The following ZKSCAN2 variants were observed in gnomAD, a reference collection of about 807,000 sequenced individuals.
ZKSCAN2 encodes the protein zinc finger with KRAB and SCAN domains 2.
Under a neutral mutation model 90.5 loss-of-function variants are expected in ZKSCAN2, and 38 were observed. The ratio of observed to expected loss-of-function variants is 0.42; its 90% CI spans 0.32 to 0.55. The LOEUF is 0.55. Among genes scored for constraint, ZKSCAN2 ranks in the 20% least tolerant of loss-of-function variants. The probability of loss-of-function intolerance (pLI) is 0.11; values close to 1 mark genes in which losing one functional copy is unlikely to be tolerated. For missense variants in ZKSCAN2, 1,167 were observed against 1,202.6 expected (o/e 0.97, Z 0.44); for synonymous variants, 429 against 421.6 (o/e 1.02, Z -0.22).
intron 3 of ZKSCAN2, among the ~76,000 whole-genome samples, chr16:25,252,467 C>G (rs371790107): frequency 6.6e-6 from 1 of 151,762 alleles, no homozygotes; most frequent in Non-Finnish European, 1.5e-5. Context: ...TACTTTTATA[C>G]TCTTGTGGGG....
chr16:25,243,865 C>T lies in ZKSCAN2; in HGVS notation c.1901G>A (p.Cys634Tyr). 6.2e-7 allele frequency: 1 copy of T among 1,614,114 alleles called. No individual in the cohort carries two copies. The highest frequency in any genetic ancestry group is 8.5e-7 in the Non-Finnish European group (1 of 1,180,022). Residue 634 changes from cysteine (C) to tyrosine (Y), a missense_variant, in exon 6 of 7, where the codon TGC (cysteine) becomes TAC (tyrosine). Cys to Tyr is a radical substitution (Grantham distance 194). Transcript: ENST00000328086. ...TSQEAVIEDS[C>Y]SERMSEEEIV... ...TTCCTCCTCGCTCATTCTCTCACTG[C>T]AAGAGTCTTCTATTACTGCCTCCTG...
Position 25,255,397 on chromosome 16 carries a change from G to A in ZKSCAN2, c.400-5C>T, listed in dbSNP as rs1437438707. ...CCGGTGCACGGGACTGCTGACCTGA[G>A]AAATGAAGTCAATACCATAAGAGGG... On this transcript the variant is annotated splice_polypyrimidine_tract_variant and splice_region_variant and intron_variant, in intron 1 of 6. Coordinates refer to ENST00000328086, the MANE Select transcript of ZKSCAN2 (RefSeq NM_001012981.5). 3.6e-5 allele frequency: 58 copies of A among 1,608,304 alleles called. 1 individual carries two copies. The Admixed American group carries it at 9.6e-4, about 27-fold the overall frequency.
chr16:25,240,354 C>T lies in ZKSCAN2; in HGVS notation c.2366G>A (p.Ser789Asn). The change falls in exon 7 of 7, where the codon AGC becomes AAC. Residue 789 changes from serine (S) to asparagine (N), a missense_variant. Ser to Asn is a conservative substitution (Grantham distance 46). Coordinates refer to ENST00000328086, the MANE Select transcript of ZKSCAN2 (RefSeq NM_001012981.5). ...GTGGATTCTTTGGTGTCTGATCAGG[C>T]TCCTGCTTCTACCAAAGCACTTCCC... ...VCGKCFGRSR[S>N]LIRHQRIHTG... 6.2e-7 allele frequency: 1 copy of T among 1,613,956 alleles called. No homozygotes were observed. The highest frequency in any genetic ancestry group is 8.5e-7 in the Non-Finnish European group (1 of 1,180,030).
In ZKSCAN2 at chr16:25,238,891, T is replaced by G. The variant is rs1403711570; in HGVS notation, c.*925A>C. On this transcript the variant is annotated 3_prime_UTR_variant, in exon 7 of 7. Transcript: ENST00000328086. ...GGTACGAAATATGCCAACATGCCAG[T>G]CATGTTCTAGATAAGAGCCAGAGAA... 1 of 152,230 alleles carries G rather than the reference T, an allele frequency of 6.6e-6. No homozygotes were observed. Among genetic ancestry groups the G allele is most frequent in the Non-Finnish European group, 1.5e-5 (1 of 68,068 alleles). The allele number at this position is 152,230 out of a possible 1,614,324, so 9.4% of individuals were successfully genotyped here.
At chr16:25,256,665 C>T (rs1253430588) in intron 1 of ZKSCAN2, 64 bp downstream of exon 1, 52 of 1,530,818 alleles carry the variant, frequency 3.4e-5, no homozygotes, top group Non-Finnish European at 4.5e-5. Context: ...CAATACATCC[C>T]TGCCCACATG....
chr16:25,246,112 A>G (rs1395757252), intron 5 of ZKSCAN2, among the ~76,000 whole-genome samples: 1 of 152,188 alleles, frequency 6.6e-6, no homozygotes, highest in African/African-American at 2.4e-5. Flanking sequence ...ATTATATTTA[A>G]GGTGGATCTC....
chr16:25,240,682 T>C lies in ZKSCAN2; in HGVS notation c.2038A>G (p.Met680Val). 3 of 1,614,200 alleles carry C rather than the reference T, an allele frequency of 1.9e-6. No individual in the cohort carries two copies. Among genetic ancestry groups the C allele is most frequent in the African/African-American group, 1.3e-5 (1 of 75,066 alleles). The stretch of plus-strand genomic sequence containing the variant: ...TCTATTAATGCCCTATGCTGTTCCA[T>C]GTCCTTATATACTATCTGTGTTGGA... ...EDPTQIVYKD[M>V]EQHRALIEKS... The change falls in exon 7 of 7, where the codon ATG becomes GTG. Residue 680 changes from methionine to valine, a missense_variant. Transcript: ENST00000328086.
In ZKSCAN2 at chr16:25,257,228, C is replaced by G; in HGVS notation, c.-101G>C. ...ATGTTCCTGGGAGTGTGATAAGGTACGGAGGTAAAAACGGCCAGGTCGGCA... is the reference window on the plus strand; with the variant it reads ...ATGTTCCTGGGAGTGTGATAAGGTAGGGAGGTAAAAACGGCCAGGTCGGCA... On this transcript the variant is annotated 5_prime_UTR_variant, in exon 1 of 7. Transcript: ENST00000328086. 1.2e-4 allele frequency: 170 copies of G among 1,442,354 alleles called. No homozygotes were observed. Among genetic ancestry groups the G allele is most frequent in the East Asian group, 4.8e-4 (19 of 39,754 alleles). 89.3% of individuals were successfully genotyped at this position (1,442,354 alleles called of 1,614,324 possible).
chr16:25,244,197 G>C lies in ZKSCAN2; in HGVS notation c.1569C>G (p.Ala523=), dbSNP rs576033722. 5.0e-6 allele frequency: 8 copies of C among 1,614,162 alleles called. No individual in the cohort carries two copies. The South Asian group carries it at 5.5e-5, about 11-fold the overall frequency. ...CATACAATTTGCTCTTCCGATGACA[G>C]GCTTGAAGCGCTTCATAAAACCGAG... ...RETRFYEALQ[A]CHRKSKLYGA... Residue 523 remains alanine (A), a synonymous_variant, in exon 6 of 7, where the codon GCC becomes GCG. Transcript: ENST00000328086.
intron 3 of ZKSCAN2, 141 bp from the exon 4 acceptor site, chr16:25,252,176 A>G: frequency 1.1e-6 from 1 of 899,830 alleles, no homozygotes; most frequent in Admixed American, 2.5e-5. Context: ...ATGAAGCAGA[A>G]GAGAAAGAAT....
At position 25,255,397 on chromosome 16, in the gene ZKSCAN2, G is replaced by C; in HGVS notation, c.400-5C>G. The C allele has an allele frequency of 6.2e-7, 1 of 1,608,422 alleles. No homozygotes were observed. Among genetic ancestry groups the C allele is most frequent in the Non-Finnish European group, 8.5e-7 (1 of 1,179,496 alleles). On this transcript the variant is annotated splice_polypyrimidine_tract_variant and splice_region_variant and intron_variant, in intron 1 of 6. Transcript: ENST00000328086. Reference sequence around the variant, plus strand: ...CCGGTGCACGGGACTGCTGACCTGAGAAATGAAGTCAATACCATAAGAGGG... The same window carrying C: ...CCGGTGCACGGGACTGCTGACCTGACAAATGAAGTCAATACCATAAGAGGG...
In ZKSCAN2 at chr16:25,240,039, T is replaced by C; in HGVS notation, c.2681A>G (p.Lys894Arg). 2 of 1,614,064 alleles carry C rather than the reference T, an allele frequency of 1.2e-6. No individual in the cohort carries two copies. The highest frequency in any genetic ancestry group is 1.7e-6 in the Non-Finnish European group (2 of 1,180,008). ...ENPYKCVDCE[K>R]SFNNCTRFRE... ...AAATCTCGTACAGTTATTGAAACTT[T>C]TTTCACAGTCCACACATTTGTAGGG... is the stretch of plus-strand genomic sequence containing the variant. The change falls in exon 7 of 7, where the codon AAA (lysine) becomes AGA (arginine). Residue 894 changes from lysine (K) to arginine (R), a missense_variant. Transcript: ENST00000328086.
At chr16:25,253,160 G>C (rs954461062) in intron 2 of ZKSCAN2, 123 bp from the exon 3 acceptor site, 4 of 797,270 alleles carry the variant, frequency 5.0e-6, no homozygotes, top group Non-Finnish European at 6.3e-6. Flanking sequence ...CATTTTATCT[G>C]TGAGTTCAGA....
chr16:25,253,158 C>T, intron 2 of ZKSCAN2, 121 bp from the exon 3 acceptor site: 5 of 807,982 alleles, frequency 6.2e-6, no homozygotes, highest in East Asian at 2.6e-5. Flanking sequence ...ACCATTTTAT[C>T]TGTGAGTTCA....
At chr16:25,253,400 C>T (rs898941927) in intron 2 of ZKSCAN2, among the ~76,000 whole-genome samples, 1 of 151,990 alleles carries the variant, frequency 6.6e-6, no homozygotes, top group Non-Finnish European at 1.5e-5. Context: ...CTTTCCCTTC[C>T]CCAGCCTTCC....
At chr16:25,240,970 TC>T (rs1962844009) in intron 6 of ZKSCAN2, among the ~76,000 whole-genome samples, 1 of 152,056 alleles carries the variant, frequency 6.6e-6, no homozygotes. Context: ...AAGCCATCAT[TC>T]CCCATCCATA....
Position 25,240,158 on chromosome 16 carries a change from G to C in ZKSCAN2, c.2562C>G (p.Thr854=). Residue 854 remains threonine (T), a synonymous_variant, in exon 7 of 7, where the codon ACC becomes ACG. Coordinates refer to ENST00000328086, the MANE Select transcript of ZKSCAN2 (RefSeq NM_001012981.5). ...CTCCACACTGATAGGGCTTCTCACCGGTGTGCGTTCTCTGATGTATAATAA... is the reference window on the plus strand; with the variant it reads ...CTCCACACTGATAGGGCTTCTCACCCGTGTGCGTTCTCTGATGTATAATAA... ...SSLIIHQRTH[T]GEKPYQCGEC... is the part of the protein sequence containing the mutation. 6.2e-7 allele frequency: 1 copy of C among 1,613,902 alleles called. No homozygotes were observed.
In ZKSCAN2 at chr16:25,239,384, CAA is replaced by C. The variant is rs1962813382; in HGVS notation, c.*430_*431del. 6.4e-6 allele frequency: 1 copy of C among 157,276 alleles called. No homozygotes were observed. Among genetic ancestry groups the C allele is most frequent in the Non-Finnish European group, 1.4e-5 (1 of 71,004 alleles). The allele number at this position is 157,276 out of a possible 1,614,324, so 9.7% of individuals were successfully genotyped here. ...TTGATGTAGTTCCGATCAGACTCCT[CAA>C]AGTTCTATCTAAATGTGAAAATCTG... is the stretch of plus-strand genomic sequence containing the variant. On this transcript the variant is annotated 3_prime_UTR_variant, in exon 7 of 7. Coordinates refer to ENST00000328086, the MANE Select transcript of ZKSCAN2 (RefSeq NM_001012981.5).
At chr16:25,247,988 C>T (rs1430070970) in intron 4 of ZKSCAN2, among the ~76,000 whole-genome samples, 2 of 152,122 alleles carry the variant, frequency 1.3e-5, no homozygotes, top group Non-Finnish European at 2.9e-5. Context: ...GCCAAGAACA[C>T]ATCACTGGGA....
Sources: allele counts gnomAD v4.1 joint callset (sites outside exome capture counted in the v4.1 genomes callset), GRCh38; gene constraint gnomAD v4.1.1; transcripts MANE v1.5; gene names NCBI Gene and HGNC (gene_info 2026-07-23, HGNC 2026-07-21).